PTPRD: variants seen among roughly 807,000 people sequenced by gnomAD.
PTPRD encodes the protein receptor-type tyrosine-protein phosphatase delta.
PTPRD carries 34 observed loss-of-function variants against 214.5 expected under a neutral mutation model. The observed-to-expected ratio is 0.16, with a 90% CI of 0.12 to 0.21. The LOEUF (loss-of-function observed/expected upper bound fraction) is 0.21. Ranked by LOEUF, PTPRD falls within the 10% of genes least tolerant of loss-of-function variation. The pLI is 1.00. For missense variants in PTPRD, 2,545 were observed against 2,398.7 expected (o/e 1.06, Z -1.27); for synonymous variants, 1,128 against 845.7 (o/e 1.33, Z -5.79).
At chr9:8,699,703 G>A (rs1406371583) in intron 12 of PTPRD, among the ~76,000 whole-genome samples, 2 of 150,982 alleles carry the variant, frequency 1.3e-5, no homozygotes, top group East Asian at 2.0e-4. Context: ...ATTCTTTTCT[G>A]AAATGGTATC....
At chr9:9,855,076 A>C (rs2061291906) in intron 5 of PTPRD, among the ~76,000 whole-genome samples, 1 of 152,216 alleles carries the variant, frequency 6.6e-6, no homozygotes, top group South Asian at 2.1e-4. Context: ...CTTTGCAGAC[A>C]TCTAAGTGAT....
At chr9:9,443,557 G>A (rs1057030088) in intron 8 of PTPRD, among the ~76,000 whole-genome samples, 12 of 152,280 alleles carry the variant, frequency 7.9e-5, no homozygotes, top group African/African-American at 2.9e-4. Context: ...ACTTTGGCTG[G>A]CCTCTTCAAG....
intron 9 of PTPRD, among the ~76,000 whole-genome samples, chr9:9,308,309 G>A (rs1044900546): frequency 5.9e-5 from 9 of 151,984 alleles, no homozygotes; most frequent in Non-Finnish European, 1.3e-4. Context: ...CATTTTAAAC[G>A]GAACACGTGT....
intron 3 of PTPRD, among the ~76,000 whole-genome samples, chr9:10,172,357 G>A (rs1425079603): frequency 2.0e-5 from 3 of 152,002 alleles, no homozygotes; most frequent in African/African-American, 7.3e-5. Context: ...GAATAATATT[G>A]TATTTTGATC....
At chr9:9,446,169 G>T (rs1588646635) in intron 8 of PTPRD, among the ~76,000 whole-genome samples, 1 of 152,154 alleles carries the variant, frequency 6.6e-6, no homozygotes, top group Admixed American at 6.5e-5. Context: ...AACAGAACAT[G>T]ATGACAAGAA....
chr9:9,565,510 TGAA>T (rs2084242014), intron 8 of PTPRD, among the ~76,000 whole-genome samples: 1 of 151,966 alleles, frequency 6.6e-6, no homozygotes, highest in Non-Finnish European at 1.5e-5. Context: ...GATGGATTTC[TGAA>T]GAATAATTTT....
chr9:8,888,772 A>C (rs2098512635), intron 11 of PTPRD, among the ~76,000 whole-genome samples: 2 of 152,206 alleles, frequency 1.3e-5, no homozygotes, highest in South Asian at 4.1e-4. Context: ...CAATCAGGGA[A>C]TAGCATGTTG....
At chr9:8,648,776 A>C (rs1474436546) in intron 12 of PTPRD, among the ~76,000 whole-genome samples, 1 of 152,196 alleles carries the variant, frequency 6.6e-6, no homozygotes, top group Non-Finnish European at 1.5e-5. Context: ...GTGGTAACAT[A>C]CTCAGGAAGC....
At chr9:8,977,088 A>T (rs2099272139) in intron 11 of PTPRD, among the ~76,000 whole-genome samples, 1 of 152,070 alleles carries the variant, frequency 6.6e-6, no homozygotes, top group African/African-American at 2.4e-5. Flanking sequence ...ACCATCCATC[A>T]ATGATCAGTT....
At chr9:10,133,632 G>T (rs1165714188) in intron 3 of PTPRD, among the ~76,000 whole-genome samples, 1 of 151,966 alleles carries the variant, frequency 6.6e-6, no homozygotes, top group African/African-American at 2.4e-5. Context: ...ATAACTATAA[G>T]TCCACCATAA....
chr9:10,229,367 A>G (rs1484902342), intron 3 of PTPRD, among the ~76,000 whole-genome samples: 7 of 152,068 alleles, frequency 4.6e-5, no homozygotes, highest in African/African-American at 9.7e-5. Flanking sequence ...TACCCAAAGG[A>G]CTATAAATCA....
intron 3 of PTPRD, among the ~76,000 whole-genome samples, chr9:10,057,876 GTA>G (rs2097688428): frequency 1.3e-5 from 2 of 148,160 alleles, no homozygotes; most frequent in Non-Finnish European, 3.0e-5. Context: ...AAAAAAGTGA[GTA>G]GTGGAATAAT....
rs1821173035 is a variant in PTPRD at position 8,315,523 on chromosome 9, T to TAAAAG, written c.*2346_*2350dup. ...GATAAATCTCCAAAAAGATACAAAC[T>TAAAAG]AAAAGAAAATAATGATAACAGACCC... On this transcript the variant is annotated 3_prime_UTR_variant, in exon 46 of 46. Coordinates refer to ENST00000381196, the MANE Select transcript of PTPRD (RefSeq NM_002839.4). The TAAAAG allele has an allele frequency of 4.3e-6, 1 of 231,770 alleles. No homozygotes were observed. Among genetic ancestry groups the TAAAAG allele is most frequent in the African/African-American group, 2.2e-5 (1 of 45,234 alleles). The allele number at this position is 231,770 out of a possible 1,614,324, so 14.4% of individuals were successfully genotyped here.
At chr9:8,434,311 T>C (rs538797097) in intron 35 of PTPRD, among the ~76,000 whole-genome samples, 1 of 152,288 alleles carries the variant, frequency 6.6e-6, no homozygotes, top group East Asian at 1.9e-4. Context: ...TTTTTTACCT[T>C]ACCTTTTCTT....
intron 10 of PTPRD, among the ~76,000 whole-genome samples, chr9:9,055,115 T>C (rs1158038434): frequency 6.6e-6 from 1 of 152,126 alleles, no homozygotes; most frequent in Non-Finnish European, 1.5e-5. Flanking sequence ...AAACTGCTAA[T>C]ACAAATAAGT....
intron 34 of PTPRD, among the ~76,000 whole-genome samples, chr9:8,442,417 A>C (rs2095577887): frequency 6.6e-6 from 1 of 152,208 alleles, no homozygotes; most frequent in Admixed American, 6.5e-5. Flanking sequence ...TTTTGAAGTC[A>C]TTAATAACGG....
At chr9:8,442,583 C>T (rs2095584070) in intron 34 of PTPRD, among the ~76,000 whole-genome samples, 1 of 152,070 alleles carries the variant, frequency 6.6e-6, no homozygotes, top group African/African-American at 2.4e-5. Context: ...ATTTTTTCAT[C>T]AAATCAATTA....
At chr9:8,539,779 G>T (rs12341367) in intron 14 of PTPRD, among the ~76,000 whole-genome samples, 4,331 of 152,074 alleles carry the variant, frequency 0.028, 186 homozygotes, top group African/African-American at 0.098. Flanking sequence ...GGTCAGAAAT[G>T]TCAAAGAAAG....
chr9:10,102,002 A>T (rs1344986635), intron 3 of PTPRD, among the ~76,000 whole-genome samples: 4 of 151,686 alleles, frequency 2.6e-5, no homozygotes, highest in Non-Finnish European at 5.9e-5. Flanking sequence ...GTTTTATAGA[A>T]ATTCTAAAAA....
Sources: gnomAD v4.1 joint callset for allele counts (sites outside exome capture counted in the v4.1 genomes callset) on GRCh38, gnomAD v4.1.1 for gene constraint, MANE v1.5 for transcripts, NCBI Gene and HGNC (gene_info 2026-07-23, HGNC 2026-07-21) for gene names.